SLC7A11: variants seen among roughly 807,000 people sequenced by gnomAD.
SLC7A11 encodes the protein solute carrier family 7 member 11, also known as cystine/glutamate transporter.
A neutral mutation model predicts 54.5 loss-of-function variants in SLC7A11; 35 were observed. That is an observed-to-expected ratio of 0.64 (90% CI 0.49 to 0.85). The LOEUF is 0.85. SLC7A11 is among the 40% of genes least tolerant of loss of function. The pLI is 0.00. For missense variants in SLC7A11, 583 were observed against 618.1 expected (o/e 0.94, Z 0.60); for synonymous variants, 230 against 225.2 (o/e 1.02, Z -0.19).
intron 6 of SLC7A11, 75 bp downstream of exon 6, chr4:138,214,509 TC>T: frequency 1.2e-6 from 1 of 800,098 alleles, no homozygotes; most frequent in South Asian, 1.9e-5. Context: ...AATTCCTTCT[TC>T]AAGTCTGCTT....
At chr4:138,185,077 C>T (rs770956758) in intron 7 of SLC7A11, 44 bp downstream of exon 7, 3 of 1,608,288 alleles carry the variant, frequency 1.9e-6, no homozygotes, top group South Asian at 1.1e-5. Flanking sequence ...TGCATCAGCT[C>T]ATTAACCTAA....
At chr4:138,183,099 C>T in intron 8 of SLC7A11, 103 bp downstream of exon 8, 1 of 777,846 alleles carries the variant, frequency 1.3e-6, no homozygotes, top group South Asian at 1.7e-5. Flanking sequence ...CCTTTAAAAA[C>T]AACAGGTTTG....
intron 6 of SLC7A11, among the ~76,000 whole-genome samples, chr4:138,206,859 A>G (rs1737419647): frequency 6.6e-6 from 1 of 151,922 alleles, no homozygotes; most frequent in South Asian, 2.1e-4. Flanking sequence ...ACACAGAATC[A>G]TCTCTTCTCT....
intron 1 of SLC7A11, among the ~76,000 whole-genome samples, chr4:138,240,428 G>T (rs190769946): frequency 1.1e-4 from 17 of 151,996 alleles, no homozygotes; most frequent in African/African-American, 3.4e-4. Context: ...TAAGCCCAAC[G>T]TGGTGGCACA....
In SLC7A11 at chr4:138,223,273, T is replaced by C; in HGVS notation, c.572A>G (p.Gln191Arg). 1 of 1,613,760 alleles carries C rather than the reference T, an allele frequency of 6.2e-7. No individual in the cohort carries two copies. The highest frequency in any genetic ancestry group is 8.5e-7 in the Non-Finnish European group (1 of 1,179,650). Reference protein sequence around the residue: ...SMSVSWSARIQIFLTFCKLTA... With the variant: ...SMSVSWSARIRIFLTFCKLTA... ...GAGCTTGCAAAAGGTTAAGAAAATC[T>C]GGATCCGGGCGCTCCAGCTGACACT... Residue 191 changes from glutamine to arginine, a missense_variant, in exon 4 of 12, where the codon CAG becomes CGG. Coordinates refer to ENST00000280612, the MANE Select transcript of SLC7A11 (RefSeq NM_014331.4).
chr4:138,219,826 C>T (rs1737766071), intron 4 of SLC7A11, among the ~76,000 whole-genome samples: 1 of 152,114 alleles, frequency 6.6e-6, no homozygotes. Context: ...CTTTCCTACA[C>T]AATTTACCTT....
chr4:138,207,014 C>CAAAAAA (rs1389023695), intron 6 of SLC7A11, among the ~76,000 whole-genome samples: 11 of 56,658 alleles, frequency 1.9e-4, no homozygotes, highest in African/African-American at 3.2e-4. Context: ...AAAAAAAAAC[C>CAAAAAA]CCCAGAGGGA....
rs1296260175 is a variant in SLC7A11 at position 138,170,319 on chromosome 4, T to TAA, written c.*1635_*1636dup. Reference sequence around the variant, plus strand: ...ATACACACACATATATATATATATATAATCTTTTTTTTTTGGAGATGGAGT... The same window carrying TAA: ...ATACACACACATATATATATATATATAAAATCTTTTTTTTTTGGAGATGGAGT... On this transcript the variant is annotated 3_prime_UTR_variant, in exon 12 of 12. Coordinates refer to ENST00000280612, the MANE Select transcript of SLC7A11 (RefSeq NM_014331.4). The TAA allele has an allele frequency of 6.1e-5, 8 of 130,708 alleles. No homozygotes were observed. Among genetic ancestry groups the TAA allele is most frequent in the East Asian group, 2.2e-4 (1 of 4,486 alleles). The allele number at this position is 130,708 out of a possible 1,614,324, so 8.1% of individuals were successfully genotyped here.
At chr4:138,229,622 T>C (rs1397053070) in intron 3 of SLC7A11, among the ~76,000 whole-genome samples, 2 of 152,232 alleles carry the variant, frequency 1.3e-5, no homozygotes, top group Non-Finnish European at 2.9e-5. Context: ...AACCCCAATA[T>C]GGTTATCCTT....
At chr4:138,189,200 T>C (rs1166453918) in intron 6 of SLC7A11, among the ~76,000 whole-genome samples, 1 of 152,166 alleles carries the variant, frequency 6.6e-6, no homozygotes, top group African/African-American at 2.4e-5. Flanking sequence ...AATGGCCCTA[T>C]AATGATGGCA....
intron 7 of SLC7A11, 68 bp from the exon 8 acceptor site, chr4:138,183,373 G>A (rs1736795156): frequency 1.0e-6 from 1 of 1,003,844 alleles, no homozygotes; most frequent in Non-Finnish European, 1.5e-6. Context: ...AACAATTTAG[G>A]CCAAACTTGC....
chr4:138,198,796 T>A (rs1409290959), intron 6 of SLC7A11, among the ~76,000 whole-genome samples: 6 of 152,172 alleles, frequency 3.9e-5, no homozygotes, highest in Admixed American at 3.9e-4. Flanking sequence ...AGGAATGTTT[T>A]CAATGTCCAA....
chr4:138,236,885 G>A (rs994786699), intron 1 of SLC7A11, among the ~76,000 whole-genome samples: 2 of 151,650 alleles, frequency 1.3e-5, no homozygotes, highest in Non-Finnish European at 2.9e-5. Flanking sequence ...GTTATTTTTT[G>A]AGAACCCTTT....
At chr4:138,183,945 G>T (rs1432138676) in intron 7 of SLC7A11, among the ~76,000 whole-genome samples, 2 of 152,006 alleles carry the variant, frequency 1.3e-5, no homozygotes, top group Non-Finnish European at 2.9e-5. Context: ...ATATAAGTCC[G>T]ATAAGCCACA....
intron 6 of SLC7A11, among the ~76,000 whole-genome samples, chr4:138,206,691 C>T (rs1277791658): frequency 1.3e-5 from 2 of 151,744 alleles, no homozygotes; most frequent in Non-Finnish European, 1.5e-5. Context: ...CTTATATGAA[C>T]AAACTATCTT....
chr4:138,182,218 T>C, intron 9 of SLC7A11, 79 bp downstream of exon 9: 1 of 889,092 alleles, frequency 1.1e-6, no homozygotes, highest in Non-Finnish European at 1.9e-6. Context: ...TAAAATACTA[T>C]CTAATGTCTG....
intron 3 of SLC7A11, among the ~76,000 whole-genome samples, chr4:138,228,758 C>CAAAAAAAAAAAAAAAA (rs5862371): frequency 1.5e-5 from 1 of 67,774 alleles, no homozygotes; most frequent in Non-Finnish European, 2.6e-5. Context: ...GACTCCGTCT[C>CAAAAAAAAAAAAAAAA]AAAAAAAAAA....
rs1737287824 is a variant in SLC7A11 at position 138,201,586 on chromosome 4, G to A, written c.791+12999C>T. Among the ~76,000 whole-genome samples the A allele has an allele frequency of 2.0e-5, 3 of 151,974 alleles. No homozygotes were observed. In the South Asian group the frequency reaches 6.2e-4, roughly 32 times the overall value. ...AGATAATTGTCATTTCCCATGGCCG[G>A]GTGTTTCAAGTAAGAGTGTCTTTTC... is the stretch of plus-strand genomic sequence containing the variant. On this transcript the variant is annotated intron_variant, in intron 6 of 11. Transcript: ENST00000280612.
chr4:138,212,660 T>C (rs922880639), intron 6 of SLC7A11, among the ~76,000 whole-genome samples: 8 of 151,870 alleles, frequency 5.3e-5, no homozygotes, highest in African/African-American at 1.2e-4. Flanking sequence ...TTTAGTAGAA[T>C]ACATCAGAAA....
Sources: allele counts gnomAD v4.1 joint callset (sites outside exome capture counted in the v4.1 genomes callset), GRCh38; gene constraint gnomAD v4.1.1; transcripts MANE v1.5; gene names NCBI Gene and HGNC (gene_info 2026-07-23, HGNC 2026-07-21).